The following WDPCP variants were observed in gnomAD, a reference collection of about 807,000 sequenced individuals.
WDPCP encodes WD repeat containing planar cell polarity effector.
WDPCP carries 71 observed loss-of-function variants against 93.1 expected under a neutral mutation model. The observed-to-expected ratio is 0.76, with a 90% confidence interval of 0.63 to 0.93. WDPCP has a LOEUF of 0.93. Ranked by LOEUF, WDPCP falls within the 40% of genes least tolerant of loss-of-function variation. WDPCP has a pLI of 0.00. For missense variants in WDPCP, 844 were observed against 887.4 expected (o/e 0.95, Z 0.62); for synonymous variants, 315 against 315.0 (o/e 1.00, Z 0.00).
intron 2 of WDPCP, among the ~76,000 whole-genome samples, chr2:63,756,558 C>T (rs1168073285): frequency 1.3e-5 from 2 of 152,108 alleles, no homozygotes; most frequent in Non-Finnish European, 2.9e-5. Context: ...GTAGAATGTA[C>T]ACAAGATATC....
At chr2:63,212,734 A>T (rs1254085331) in intron 14 of WDPCP, among the ~76,000 whole-genome samples, 1 of 152,070 alleles carries the variant, frequency 6.6e-6, no homozygotes, top group Non-Finnish European at 1.5e-5. Flanking sequence ...TTTCACGTTC[A>T]GAGACACACA....
chr2:63,339,981 A>ATG (rs1688721275), intron 12 of WDPCP, among the ~76,000 whole-genome samples: 1 of 152,102 alleles, frequency 6.6e-6, no homozygotes, highest in African/African-American at 2.4e-5. Context: ...TATTCTGTTA[A>ATG]TGTGATATAC....
At chr2:63,830,592 A>G (rs1671177145), upstream of WDPCP, among the ~76,000 whole-genome samples, 1 of 152,100 alleles carries the variant, frequency 6.6e-6, no homozygotes. Context: ...TAATCTTCCT[A>G]TCACTCTACT....
At chr2:63,622,922 C>T (rs1166096395) in intron 3 of WDPCP, 12 of 1,065,570 alleles carry the variant, frequency 1.1e-5, no homozygotes, top group African/African-American at 4.7e-5. Context: ...CGGGGCTCGG[C>T]GCACACCTGC....
At chr2:63,385,672 T>C (rs1692673185) in intron 10 of WDPCP, among the ~76,000 whole-genome samples, 1 of 151,962 alleles carries the variant, frequency 6.6e-6, no homozygotes, top group Admixed American at 6.6e-5. Flanking sequence ...TCAATATTGT[T>C]AAGAATCATT....
chr2:63,593,258 C>A, upstream of WDPCP: 1 of 188,396 alleles, frequency 5.3e-6, no homozygotes, highest in Non-Finnish European at 1.1e-5. Context: ...CCACACCCAG[C>A]TAATTCTGTA....
intron 2 of WDPCP, among the ~76,000 whole-genome samples, chr2:63,692,284 T>G (rs1456818127): frequency 6.6e-6 from 1 of 152,100 alleles, no homozygotes; most frequent in Non-Finnish European, 1.5e-5. Flanking sequence ...ACAGGAAATC[T>G]TTTTTACATT....
chr2:63,588,948 C>A, upstream of WDPCP: 4 of 1,578,102 alleles, frequency 2.5e-6, no homozygotes, highest in Non-Finnish European at 3.5e-6. Context: ...CTCGCTAACA[C>A]CGCTCGCCCT....
chr2:63,578,814 T>C (rs1708288711), intron 1 of WDPCP, among the ~76,000 whole-genome samples: 1 of 152,198 alleles, frequency 6.6e-6, no homozygotes, highest in East Asian at 1.9e-4. Context: ...CCATAACATT[T>C]TGAGATTCTA....
intron 10 of WDPCP, among the ~76,000 whole-genome samples, chr2:63,401,720 G>C (rs1694165822): frequency 6.6e-6 from 1 of 152,150 alleles, no homozygotes; most frequent in Non-Finnish European, 1.5e-5. Flanking sequence ...CAGGAGAATT[G>C]CTTGAACCCA....
chr2:63,284,617 T>C (rs1026834097), intron 13 of WDPCP, among the ~76,000 whole-genome samples: 3 of 152,206 alleles, frequency 2.0e-5, no homozygotes, highest in Non-Finnish European at 2.9e-5. Flanking sequence ...ACAGTTGATA[T>C]AATAACTAAG....
chr2:63,501,430 G>A (rs186657217), intron 1 of WDPCP, among the ~76,000 whole-genome samples: 5 of 152,224 alleles, frequency 3.3e-5, no homozygotes, highest in Non-Finnish European at 7.4e-5. Flanking sequence ...GGCAGGTGTG[G>A]TGGCACCTGC....
chr2:63,508,633 A>C (rs1188521275), intron 1 of WDPCP, among the ~76,000 whole-genome samples: 1 of 152,190 alleles, frequency 6.6e-6, no homozygotes, highest in African/African-American at 2.4e-5. Context: ...TAAAGGGCAC[A>C]GACTGGCAAA....
the WDPCP span, among the ~76,000 whole-genome samples, chr2:63,836,056 C>T: frequency 2.6e-5 from 4 of 152,112 alleles, no homozygotes; most frequent in Non-Finnish European, 4.4e-5. Flanking sequence ...GGTTTAATCA[C>T]GTTGGCCAGG....
At position 63,484,929 on chromosome 2, in the gene WDPCP, G is replaced by C; in HGVS notation, c.312C>G (p.Leu104=). 1 of 1,612,486 alleles carries C rather than the reference G, an allele frequency of 6.2e-7. No individual in the cohort carries two copies. The highest frequency in any genetic ancestry group is 8.5e-7 in the Non-Finnish European group (1 of 1,179,004). Residue 104 remains leucine (L), a synonymous_variant, in exon 5 of 18, where the codon CTC becomes CTG. Transcript: ENST00000272321. ...TTTTGAAAGATACCTCCAACTCTTTGAGCGAGTCTCGGAGTTTTTCTGGGC... is the reference window on the plus strand; with the variant it reads ...TTTTGAAAGATACCTCCAACTCTTTCAGCGAGTCTCGGAGTTTTTCTGGGC... ...NRRPEKLRDS[L]KELEELMQNS...
intron 2 of WDPCP, among the ~76,000 whole-genome samples, chr2:63,738,983 T>C (rs1177004673): frequency 2.0e-5 from 3 of 152,216 alleles, no homozygotes; most frequent in Admixed American, 6.5e-5. Flanking sequence ...ATACAATATG[T>C]ACTCTATGTG....
At chr2:63,393,041 T>C (rs1693412906) in intron 10 of WDPCP, among the ~76,000 whole-genome samples, 1 of 152,228 alleles carries the variant, frequency 6.6e-6, no homozygotes, top group African/African-American at 2.4e-5. Flanking sequence ...TTACTGGGTA[T>C]ATACCCAAAG....
chr2:63,341,571 C>A (rs1688845216), intron 12 of WDPCP, among the ~76,000 whole-genome samples: 1 of 152,162 alleles, frequency 6.6e-6, no homozygotes, highest in African/African-American at 2.4e-5. Context: ...ATTGTTCAAA[C>A]CCTCAATTTC....
chr2:63,174,010 G>A (rs1673601585), intron 15 of WDPCP, among the ~76,000 whole-genome samples: 3 of 151,982 alleles, frequency 2.0e-5, no homozygotes, highest in African/African-American at 4.8e-5. Flanking sequence ...TTTATATATT[G>A]TCTGTGGCCA....
Sources: gnomAD v4.1 joint callset for allele counts (sites outside exome capture counted in the v4.1 genomes callset) on GRCh38, gnomAD v4.1.1 for gene constraint, MANE v1.5 for transcripts, NCBI Gene and HGNC (gene_info 2026-07-23, HGNC 2026-07-21) for gene names.